The following AKAP9 variants were observed in gnomAD, a reference collection of about 807,000 sequenced individuals.
The protein encoded by AKAP9 is A-kinase anchoring protein 9.
In AKAP9, 311 loss-of-function variants were observed where a neutral mutation model predicts 488.5. The ratio of observed to expected loss-of-function variants is 0.64; its 90% CI spans 0.58 to 0.70. The LOEUF is 0.70. Among genes scored for constraint, AKAP9 ranks in the 30% least tolerant of loss-of-function variants. AKAP9 has a pLI of 0.00. For missense variants in AKAP9, 4,215 were observed against 4,374.5 expected (o/e 0.96, Z 1.03); for synonymous variants, 1,462 against 1,483.5 (o/e 0.99, Z 0.33).
chr7:91,954,664 C>G (rs1792717165), intron 1 of AKAP9, among the ~76,000 whole-genome samples: 1 of 152,172 alleles, frequency 6.6e-6, no homozygotes, highest in Non-Finnish European at 1.5e-5. Context: ...AGCCTAGAGG[C>G]TCCCAAATTT....
At chr7:91,995,912 A>G in intron 7 of AKAP9, 112 bp downstream of exon 7, 1 of 760,818 alleles carries the variant, frequency 1.3e-6, no homozygotes, top group Non-Finnish European at 2.1e-6. Context: ...TTCATAATTA[A>G]GCTCTTTGTG....
chr7:92,076,821 CAT>C, intron 28 of AKAP9, 32 bp from the exon 29 acceptor site: 1 of 1,284,818 alleles, frequency 7.8e-7, no homozygotes, highest in South Asian at 1.4e-5. Context: ...TTTGTATAAA[CAT>C]TTTTTCTCTT....
In AKAP9 at chr7:92,083,337, G is replaced by A. The variant is rs1563112178; in HGVS notation, c.8328G>A (p.Lys2776=). The change falls in exon 33 of 50, where the codon AAG becomes AAA. Residue 2776 remains lysine, a synonymous_variant. Transcript: ENST00000356239. ...MFEPLPIKLS[K]SIASQTDGTL... Reference sequence around the variant, plus strand: ...AGCCACTTCCTATAAAACTGAGTAAGAGCATTGCATCCCAGACAGATGGGA... The same window carrying A: ...AGCCACTTCCTATAAAACTGAGTAAAAGCATTGCATCCCAGACAGATGGGA... The A allele has an allele frequency of 1.2e-6, 2 of 1,614,096 alleles. No homozygotes were observed. Among genetic ancestry groups the A allele is most frequent in the Non-Finnish European group, 1.7e-6 (2 of 1,180,024 alleles).
At chr7:92,033,442 CTT>C (rs35497475) in intron 16 of AKAP9, among the ~76,000 whole-genome samples, 6,640 of 107,298 alleles carry the variant, frequency 0.062, 141 homozygotes, top group African/African-American at 0.13. Flanking sequence ...CTTTTCTTTT[CTT>C]TTTTTTTTTT....
intron 26 of AKAP9, among the ~76,000 whole-genome samples, chr7:92,067,472 G>C (rs776907845): frequency 1.5e-4 from 23 of 152,030 alleles, no homozygotes; most frequent in Non-Finnish European, 2.9e-4. Context: ...CTCAACCCCT[G>C]ATTCCAACCC....
At chr7:92,041,124 G>T in intron 18 of AKAP9, 1 of 468,862 alleles carries the variant, frequency 2.1e-6, no homozygotes, top group South Asian at 4.1e-5. Flanking sequence ...CCTTGGAGTG[G>T]GCATTGTCTT....
rs756185133 is a variant in AKAP9 at position 92,105,687 on chromosome 7, T to C, written c.11340T>C (p.Phe3780=). 7.4e-6 allele frequency: 12 copies of C among 1,613,872 alleles called. No individual in the cohort carries two copies. Among genetic ancestry groups the C allele is most frequent in the Non-Finnish European group, 4.2e-6 (5 of 1,179,832 alleles). ...RVSIAISRMK[F]LVRRWHRVTG... The stretch of plus-strand genomic sequence containing the variant: ...TTGGAATCTTTTTTAGAATGAAATT[T>C]TTGGTTCGACGGTGGCATCGAGTCA... Residue 3780 remains phenylalanine (F), a synonymous_variant, in exon 47 of 50, where the codon TTT becomes TTC. Coordinates refer to ENST00000356239, the MANE Select transcript of AKAP9 (RefSeq NM_005751.5).
chr7:91,992,192 A>G lies in AKAP9; in HGVS notation c.386A>G (p.Lys129Arg). Residue 129 changes from lysine to arginine, a missense_variant, in exon 4 of 50, where the codon AAG becomes AGG. Lys to Arg is a conservative substitution (Grantham distance 26, BLOSUM62 2). Transcript: ENST00000356239. ...TGCAGTTTTGTGATGAGAACAGGAAAGCCTACAAATTTATTAAGGGTACAG... is the reference window on the plus strand; with the variant it reads ...TGCAGTTTTGTGATGAGAACAGGAAGGCCTACAAATTTATTAAGGGTACAG... ...NGCSFVMRTG[K>R]PTNLLREEEF... 1 of 1,609,218 alleles carries G rather than the reference A, an allele frequency of 6.2e-7. No individual in the cohort carries two copies. Among genetic ancestry groups the G allele is most frequent in the Non-Finnish European group, 8.5e-7 (1 of 1,175,668 alleles).
intron 2 of AKAP9, among the ~76,000 whole-genome samples, chr7:91,978,241 C>CAAA (rs11295179): frequency 4.5e-5 from 4 of 88,692 alleles, no homozygotes; most frequent in African/African-American, 1.6e-4. Context: ...GACTCTGTCT[C>CAAA]AAAAAAAAAA....
At chr7:91,984,523 G>A (rs1716244834) in intron 3 of AKAP9, among the ~76,000 whole-genome samples, 2 of 152,112 alleles carry the variant, frequency 1.3e-5, no homozygotes, top group Non-Finnish European at 2.9e-5. Flanking sequence ...TGCTGTTTTG[G>A]TTACTGTAGC....
chr7:91,970,781 C>G (rs1211609456), intron 1 of AKAP9, among the ~76,000 whole-genome samples: 1 of 152,194 alleles, frequency 6.6e-6, no homozygotes. Context: ...AGGATCCTCT[C>G]TTTGTCCTTG....
chr7:91,946,383 A>G (rs78540169), intron 1 of AKAP9, among the ~76,000 whole-genome samples: 2,168 of 139,652 alleles, frequency 0.016, 44 homozygotes, highest in African/African-American at 0.055. Context: ...AAACTAATTC[A>G]TAACCTTCAG....
intron 8 of AKAP9, among the ~76,000 whole-genome samples, chr7:92,007,772 G>A (rs576186705): frequency 3.3e-4 from 50 of 152,238 alleles, no homozygotes; most frequent in African/African-American, 8.4e-4. Context: ...TTTGAAAAAC[G>A]CAGAATAGTA....
intron 36 of AKAP9, 81 bp downstream of exon 36, chr7:92,085,767 T>C (rs991843880): frequency 1.8e-6 from 2 of 1,109,532 alleles, no homozygotes; most frequent in Admixed American, 5.1e-5. Flanking sequence ...AAATTATCTT[T>C]TATACATATT....
At position 92,097,874 on chromosome 7, in the gene AKAP9, A is replaced by AGG; in HGVS notation, c.10607+82_10607+83dup. 2.1e-6 allele frequency: 3 copies of AGG among 1,401,412 alleles called. No homozygotes were observed. In the South Asian group the frequency reaches 3.5e-5, roughly 16 times the overall value. 86.8% of individuals were successfully genotyped at this position (1,401,412 alleles called of 1,614,324 possible). A position where few individuals can be genotyped will look rare whatever the true frequency, so the allele number is the denominator to read the frequency against. The stretch of plus-strand genomic sequence containing the variant: ...CCCATGCCTCTGGGACAGCTAGCCA[A>AGG]GGGTGGGGAATTGAAATTTTAAAGG... On this transcript the variant is annotated intron_variant, in intron 42 of 49. Transcript: ENST00000356239.
intron 21 of AKAP9, among the ~76,000 whole-genome samples, chr7:92,051,660 G>T (rs10275125): frequency 3.3e-5 from 5 of 152,036 alleles, no homozygotes; most frequent in African/African-American, 9.7e-5. Context: ...TTAAGAAAAT[G>T]TGGCACCAGC....
intron 3 of AKAP9, among the ~76,000 whole-genome samples, chr7:91,985,158 G>C (rs1319313901): frequency 6.6e-6 from 1 of 152,190 alleles, no homozygotes; most frequent in African/African-American, 2.4e-5. Context: ...ATGTTGAATA[G>C]GAGTGGTGAC....
At chr7:92,093,983 T>C (rs1816094798) in intron 39 of AKAP9, among the ~76,000 whole-genome samples, 1 of 151,950 alleles carries the variant, frequency 6.6e-6, no homozygotes, top group African/African-American at 2.4e-5. Flanking sequence ...TCTGAGTAGC[T>C]GGGATTATAG....
At chr7:92,029,042 TAAGA>T (rs1244600230) in intron 14 of AKAP9, among the ~76,000 whole-genome samples, 1 of 151,926 alleles carries the variant, frequency 6.6e-6, no homozygotes, top group Non-Finnish European at 1.5e-5. Context: ...AAGGTCAAAC[TAAGA>T]AAGCAGCATA....
Sources: allele counts gnomAD v4.1 joint callset (sites outside exome capture counted in the v4.1 genomes callset), GRCh38; gene constraint gnomAD v4.1.1; transcripts MANE v1.5; gene names NCBI Gene and HGNC (gene_info 2026-07-23, HGNC 2026-07-21).